KDM2A: variants seen among roughly 807,000 people sequenced by gnomAD.
KDM2A encodes the protein lysine demethylase 2A.
A neutral mutation model predicts 137.3 loss-of-function variants in KDM2A; 3 were observed. The ratio of observed to expected loss-of-function variants is 0.02; its 90% CI spans 0.01 to 0.06. The LOEUF is 0.06. KDM2A is among the 10% of genes least tolerant of loss of function. The probability of loss-of-function intolerance (pLI) is 1.00; values close to 1 mark genes in which losing one functional copy is unlikely to be tolerated. For synonymous variants in KDM2A, 512 were observed against 541.5 expected, an observed-to-expected ratio of 0.95 and a Z score of 0.76; for missense variants, 738 against 1,510.6, an observed-to-expected ratio of 0.49 and a Z score of 8.48.
intron 12 of KDM2A, among the ~76,000 whole-genome samples, chr11:67,242,135 T>G (rs188518192): frequency 1.1e-4 from 17 of 152,336 alleles, no homozygotes; most frequent in Admixed American, 9.8e-4. Flanking sequence ...TGTGATTCAC[T>G]TAAGTGGCAT....
At chr11:67,121,862 GAAGAC>G (rs1369751638) in intron 2 of KDM2A, among the ~76,000 whole-genome samples, 1 of 152,158 alleles carries the variant, frequency 6.6e-6, no homozygotes, top group African/African-American at 2.4e-5. Context: ...GGGATTGATT[GAAGAC>G]AAGTAGGTAG....
intron 2 of KDM2A, among the ~76,000 whole-genome samples, chr11:67,125,416 A>G (rs954943879): frequency 1.3e-5 from 2 of 151,728 alleles, no homozygotes; most frequent in African/African-American, 2.4e-5. Flanking sequence ...CCTGGGCTCA[A>G]ACGATCTGCC....
chr11:67,192,428 C>A (rs1424036418), intron 5 of KDM2A, among the ~76,000 whole-genome samples: 3 of 134,840 alleles, frequency 2.2e-5, no homozygotes, highest in Non-Finnish European at 4.7e-5. Flanking sequence ...ACTTTGTTTC[C>A]ATTTCTTTTT....
chr11:67,168,875 AT>A (rs1856812711), intron 2 of KDM2A, among the ~76,000 whole-genome samples: 1 of 149,226 alleles, frequency 6.7e-6, no homozygotes, highest in Non-Finnish European at 1.5e-5. Context: ...AAATGTATTT[AT>A]TTATTCAAGT....
At chr11:67,191,936 G>A (rs1462709558) in intron 5 of KDM2A, among the ~76,000 whole-genome samples, 2 of 152,140 alleles carry the variant, frequency 1.3e-5, no homozygotes, top group African/African-American at 4.8e-5. Context: ...TTTGTTATTA[G>A]TATTTTTCTT....
chr11:67,181,786 ACT>A, intron 4 of KDM2A, 58 bp from the exon 5 acceptor site: 2 of 1,461,314 alleles, frequency 1.4e-6, no homozygotes, highest in South Asian at 2.3e-5. Context: ...AAGAAAAAAA[ACT>A]CACATTTACT....
intron 2 of KDM2A, among the ~76,000 whole-genome samples, chr11:67,154,845 C>T (rs1411280747): frequency 6.6e-6 from 1 of 152,184 alleles, no homozygotes; most frequent in Non-Finnish European, 1.5e-5. Flanking sequence ...CATGTATCAG[C>T]ATCTTATTTC....
chr11:67,205,589 A>G (rs978087399), intron 5 of KDM2A, among the ~76,000 whole-genome samples: 1 of 151,810 alleles, frequency 6.6e-6, no homozygotes, highest in African/African-American at 2.4e-5. Flanking sequence ...CACCATGCCC[A>G]GCTAATTTTT....
chr11:67,247,037 T>TTATATATATATATATA (rs59101290), intron 15 of KDM2A, among the ~76,000 whole-genome samples: 7 of 33,078 alleles, frequency 2.1e-4, no homozygotes, highest in East Asian at 7.8e-4. Context: ...ATAAATTATT[T>TTATATATATATATATA]TATATATATA....
At chr11:67,220,951 G>A (rs750004551) in intron 10 of KDM2A, among the ~76,000 whole-genome samples, 3 of 150,728 alleles carry the variant, frequency 2.0e-5, no homozygotes, top group Admixed American at 6.6e-5. Flanking sequence ...GTTCATGCAC[G>A]TATGTGAAAG....
Position 67,121,053 on chromosome 11 carries a change from G to A in KDM2A, c.-83-181G>A, listed in dbSNP as rs181740725. 4.1e-4 allele frequency among the ~76,000 whole-genome samples: 62 copies of A among 152,254 alleles called. No homozygotes were observed. The East Asian group carries it at 9.8e-3, about 24-fold the overall frequency. ...CGTCTAGGCCTCCGACAGTTGTAAT[G>A]TGATTAATGTTGAACATGACATGGA... On this transcript the variant is annotated intron_variant, in intron 1 of 20. Coordinates refer to ENST00000529006, the MANE Select transcript of KDM2A (RefSeq NM_012308.3).
chr11:67,207,978 C>T (rs577246147), intron 6 of KDM2A, among the ~76,000 whole-genome samples: 86 of 152,138 alleles, frequency 5.7e-4, no homozygotes, highest in Non-Finnish European at 9.3e-4. Context: ...CTGCAGTGAC[C>T]GGTGATTGCA....
rs368288250 is a variant in KDM2A at position 67,184,213 on chromosome 11, G to A, written c.307+2321G>A. Among the ~76,000 whole-genome samples the A allele has an allele frequency of 2.2e-3, 338 of 152,072 alleles. 2 individuals carry two copies. Among genetic ancestry groups the A allele is most frequent in the African/African-American group, 7.6e-3 (317 of 41,468 alleles). On this transcript the variant is annotated intron_variant, in intron 5 of 20. Coordinates refer to ENST00000529006, the MANE Select transcript of KDM2A (RefSeq NM_012308.3). Reference sequence around the variant, plus strand: ...CCAGGGGATTTAAAGGGCTATTGTGGCCGGGTGCAGTGGCTCATGTCTGTA... The same window carrying A: ...CCAGGGGATTTAAAGGGCTATTGTGACCGGGTGCAGTGGCTCATGTCTGTA...
At chr11:67,135,172 G>A (rs922590774) in intron 2 of KDM2A, among the ~76,000 whole-genome samples, 6 of 151,746 alleles carry the variant, frequency 4.0e-5, no homozygotes, top group Non-Finnish European at 5.9e-5. Flanking sequence ...GGGTTCAAGC[G>A]ATTCTCCTGC....
intron 2 of KDM2A, among the ~76,000 whole-genome samples, chr11:67,179,145 G>A (rs774294150): frequency 3.3e-5 from 5 of 152,140 alleles, no homozygotes; most frequent in African/African-American, 4.8e-5. Context: ...TTTTTCTAAT[G>A]ACTAATGAGA....
chr11:67,245,063 C>CA lies in KDM2A; in HGVS notation c.1564-124dup. ...GTGTCAATAAAATTTATTCTAGAAA[C>CA]AAGCAGTGGGCAGATCTGGCCATAG... is the stretch of plus-strand genomic sequence containing the variant. On this transcript the variant is annotated intron_variant, in intron 13 of 20. Transcript: ENST00000529006. The surrounding 1 kb of genome is among the most constrained non-coding windows in gnomAD (Gnocchi z 4.1). The CA allele has an allele frequency of 1.1e-6, 1 of 916,414 alleles. No individual in the cohort carries two copies. The highest frequency in any genetic ancestry group is 1.6e-6 in the Non-Finnish European group (1 of 609,624). The allele number at this position is 916,414 out of a possible 1,614,324, so 56.8% of individuals were successfully genotyped here.
chr11:67,125,942 CAAAAA>C (rs59801773), intron 2 of KDM2A, among the ~76,000 whole-genome samples: 2 of 50,432 alleles, frequency 4.0e-5, no homozygotes, highest in Non-Finnish European at 9.1e-5. Flanking sequence ...GGCTTCACCT[CAAAAA>C]AAAAAAAAAA....
At chr11:67,132,943 G>A (rs1217474126) in intron 2 of KDM2A, among the ~76,000 whole-genome samples, 1 of 152,178 alleles carries the variant, frequency 6.6e-6, no homozygotes, top group African/African-American at 2.4e-5. Flanking sequence ...AAATGGAAAG[G>A]AAGAGATAGA....
At chr11:67,247,824 G>C (rs560808634) in intron 15 of KDM2A, among the ~76,000 whole-genome samples, 1 of 152,152 alleles carries the variant, frequency 6.6e-6, no homozygotes, top group African/African-American at 2.4e-5. Context: ...CCAAAGAATT[G>C]GTGAAATAGG....
Sources: gnomAD v4.1 joint callset for allele counts (sites outside exome capture counted in the v4.1 genomes callset) on GRCh38, gnomAD v4.1.1 for gene constraint, Gnocchi (gnomAD v3.1) non-coding constraint, MANE v1.5 for transcripts, NCBI Gene and HGNC (gene_info 2026-07-23, HGNC 2026-07-21) for gene names.